LIMS2: variants seen among roughly 807,000 people sequenced by gnomAD.
The protein encoded by LIMS2 is LIM zinc finger domain containing 2.
In LIMS2, 30 loss-of-function variants were observed where a neutral mutation model predicts 45.3. That is an observed-to-expected ratio of 0.66 (90% CI 0.50 to 0.90). The LOEUF (loss-of-function observed/expected upper bound fraction) is 0.90, where lower values mean the gene tolerates loss of function less well. Ranked by LOEUF, LIMS2 falls within the 40% of genes least tolerant of loss-of-function variation. The probability of loss-of-function intolerance (pLI) is 0.00; values close to 1 mark genes in which losing one functional copy is unlikely to be tolerated. For synonymous variants in LIMS2, 173 were observed against 188.0 expected (o/e 0.92, Z 0.65); for missense variants, 485 against 468.7 (o/e 1.03, Z -0.32).
rs1028230493 is a variant in LIMS2, at chr2:127,672,716, C to A, written c.11+2298G>T. Among the ~76,000 whole-genome samples, 1 of 152,258 alleles carries A rather than the reference C, an allele frequency of 6.6e-6. No individual in the cohort carries two copies. The highest frequency in any genetic ancestry group is 1.5e-5 in the Non-Finnish European group (1 of 68,048). On this transcript the variant is annotated intron_variant, in intron 1 of 9. Transcript: ENST00000355119. The surrounding 1 kb of genome is among the most constrained non-coding windows in gnomAD (Gnocchi z 4.9). ...CCAGCAGCCCTTTCTCCACACAGCACCCATGGGTTCATCTGCAGACAGCAT... is the reference window on the plus strand; with the variant it reads ...CCAGCAGCCCTTTCTCCACACAGCAACCATGGGTTCATCTGCAGACAGCAT...
rs890282180 is a variant in LIMS2 at position 127,653,295 on chromosome 2, G to A, written c.359+1129C>T. ...GGAAGCATGGCTGGGGCCTCTGGGGGTCGGCGCTGCCTCTCACTGATACAG... is the reference window on the plus strand; with the variant it reads ...GGAAGCATGGCTGGGGCCTCTGGGGATCGGCGCTGCCTCTCACTGATACAG... On this transcript the variant is annotated intron_variant, in intron 4 of 9. Transcript: ENST00000355119. The surrounding 1 kb of genome is among the most constrained non-coding windows in gnomAD (Gnocchi z 5.3). Among the ~76,000 whole-genome samples, 4 of 152,182 alleles carry A rather than the reference G, an allele frequency of 2.6e-5. No homozygotes were observed. Among genetic ancestry groups the A allele is most frequent in the Non-Finnish European group, 4.4e-5 (3 of 68,040 alleles).
rs34956512 is a variant in LIMS2 at position 127,671,247 on chromosome 2, C to T, written c.11+3767G>A. Among the ~76,000 whole-genome samples the T allele has an allele frequency of 0.15, 23,492 of 151,980 alleles. 1,978 individuals are homozygous for T. Among genetic ancestry groups the T allele is most frequent in the South Asian group, 0.26 (1,227 of 4,804 alleles). ...AAGATCAAGACCACCATGGCCAACACGGTAAAACCCCATCTCCAATAAAAA... is the reference window on the plus strand; with the variant it reads ...AAGATCAAGACCACCATGGCCAACATGGTAAAACCCCATCTCCAATAAAAA... On this transcript the variant is annotated intron_variant, in intron 1 of 9. Coordinates refer to ENST00000355119, the MANE Select transcript of LIMS2 (RefSeq NM_001161403.3). The surrounding 1 kb of genome is among the most constrained non-coding windows in gnomAD (Gnocchi z 4.1).
chr2:127,660,404 C>T (rs1482672842), intron 1 of LIMS2, among the ~76,000 whole-genome samples: 1 of 152,162 alleles, frequency 6.6e-6, no homozygotes, highest in Admixed American at 6.5e-5. Context: ...GTCTGCGCCA[C>T]CTTTATGAGC....
intron 4 of LIMS2, chr2:127,649,828 G>A (rs1573788244): frequency 1.7e-6 from 1 of 597,034 alleles, no homozygotes; most frequent in Admixed American, 3.0e-5. Flanking sequence ...GGCCTCTCTG[G>A]GGCTGCAGAT....
chr2:127,663,238 A>AG (rs905633115), intron 1 of LIMS2, among the ~76,000 whole-genome samples: 2 of 152,180 alleles, frequency 1.3e-5, no homozygotes, highest in Non-Finnish European at 2.9e-5. Context: ...GAGGTTGACC[A>AG]GGGAGGGTGC....
chr2:127,655,670 G>A (rs1020349123), intron 2 of LIMS2: 6 of 152,468 alleles, frequency 3.9e-5, no homozygotes, highest in African/African-American at 1.4e-4. Flanking sequence ...GCTTTGTTCT[G>A]GGCATATGGC....
chr2:127,650,982 G>T, intron 4 of LIMS2: 1 of 1,613,814 alleles, frequency 6.2e-7, no homozygotes, highest in Non-Finnish European at 8.5e-7. Context: ...GTGCGTGCTG[G>T]TCCTGCCCAC....
intron 4 of LIMS2, 37 bp downstream of exon 4, chr2:127,654,387 T>C: frequency 6.2e-7 from 1 of 1,613,250 alleles, no homozygotes; most frequent in Non-Finnish European, 8.5e-7. Context: ...GGAAGGGCTG[T>C]GGCCCAGTCC....
At chr2:127,673,611 C>T (rs888890241) in intron 1 of LIMS2, 25 of 1,490,934 alleles carry the variant, frequency 1.7e-5, no homozygotes, top group Admixed American at 3.9e-5. Context: ...ATTCCAGCCC[C>T]GCACCCTTCA....
intron 2 of LIMS2, among the ~76,000 whole-genome samples, chr2:127,656,739 G>A (rs1000631614): frequency 6.6e-6 from 1 of 152,286 alleles, no homozygotes; most frequent in East Asian, 1.9e-4. Context: ...AATGTCAGCA[G>A]ATAGTGTGAC....
intron 4 of LIMS2, chr2:127,645,755 G>T (rs1404395749): frequency 6.6e-6 from 1 of 152,234 alleles, no homozygotes; most frequent in Non-Finnish European, 1.5e-5. Context: ...CCCACCCTCC[G>T]TTCACAGGCC....
intron 4 of LIMS2, chr2:127,651,561 G>A (rs1158842949): frequency 1.2e-6 from 2 of 1,612,646 alleles, no homozygotes; most frequent in South Asian, 1.1e-5. Flanking sequence ...GCGCATCCTG[G>A]CCCTGGCAAA....
chr2:127,661,671 C>T (rs1684671265), intron 1 of LIMS2, among the ~76,000 whole-genome samples: 1 of 152,196 alleles, frequency 6.6e-6, no homozygotes, highest in South Asian at 2.1e-4. Context: ...CATCTCATGC[C>T]CTTCCTCAGC....
chr2:127,677,917 G>A (rs1483435881), upstream of LIMS2, among the ~76,000 whole-genome samples: 3 of 152,190 alleles, frequency 2.0e-5, no homozygotes, highest in East Asian at 1.9e-4. The surrounding 1 kb of genome is among the most constrained non-coding windows in gnomAD (Gnocchi z 5.0). Context: ...GAATGTGAGG[G>A]AGTTTCTGGG....
chr2:127,656,954 A>G (rs1245394035), intron 2 of LIMS2, among the ~76,000 whole-genome samples: 3 of 152,146 alleles, frequency 2.0e-5, no homozygotes, highest in Non-Finnish European at 4.4e-5. Context: ...GTATGTGCAT[A>G]TGCGGTGCCC....
chr2:127,675,724 C>T (rs1304895979), upstream of LIMS2, among the ~76,000 whole-genome samples: 3 of 152,164 alleles, frequency 2.0e-5, no homozygotes, highest in African/African-American at 7.2e-5. Flanking sequence ...CCCTCCCGGG[C>T]TTTCCTAGCC....
chr2:127,651,335 C>A (rs1182497508), intron 4 of LIMS2: 1 of 1,611,442 alleles, frequency 6.2e-7, no homozygotes, highest in Non-Finnish European at 8.5e-7. Context: ...TGGCAGTGGC[C>A]TTCACCTTCC....
At chr2:127,661,326 G>A (rs961464749) in intron 1 of LIMS2, among the ~76,000 whole-genome samples, 1 of 152,238 alleles carries the variant, frequency 6.6e-6, no homozygotes, top group Non-Finnish European at 1.5e-5. Flanking sequence ...GCACCCACGT[G>A]TCCAGCACAG....
At chr2:127,648,795 C>T (rs922837240) in intron 4 of LIMS2, among the ~76,000 whole-genome samples, 7 of 151,514 alleles carry the variant, frequency 4.6e-5, no homozygotes, top group Non-Finnish European at 1.0e-4. Flanking sequence ...GTGGTGTGCG[C>T]CTGTAGTCCC....
Sources: gnomAD v4.1 joint callset for allele counts (sites outside exome capture counted in the v4.1 genomes callset) on GRCh38, gnomAD v4.1.1 for gene constraint, Gnocchi (gnomAD v3.1) non-coding constraint, MANE v1.5 for transcripts, NCBI Gene and HGNC (gene_info 2026-07-23, HGNC 2026-07-21) for gene names.